The following MCM3AP variants were observed in gnomAD, a reference collection of about 807,000 sequenced individuals.
The protein encoded by MCM3AP is germinal-center associated nuclear protein.
Under a neutral mutation model 184.1 loss-of-function variants are expected in MCM3AP, and 126 were observed. The ratio of observed to expected loss-of-function variants is 0.68; its 90% CI spans 0.59 to 0.79. The LOEUF (loss-of-function observed/expected upper bound fraction) is 0.79. Ranked by LOEUF, MCM3AP falls within the 30% of genes least tolerant of loss-of-function variation. The pLI is 0.00. For missense variants in MCM3AP, 2,496 were observed against 2,479.2 expected (o/e 1.01, Z -0.14); for synonymous variants, 1,002 against 979.3 (o/e 1.02, Z -0.43).
chr21:46,270,993 T>C (rs2081171720), intron 8 of MCM3AP, among the ~76,000 whole-genome samples: 1 of 152,186 alleles, frequency 6.6e-6, no homozygotes, highest in Non-Finnish European at 1.5e-5. Context: ...AAAGTTACTT[T>C]AAAGTAATGC....
Position 46,265,398 on chromosome 21 carries a change from C to T in MCM3AP, c.3157G>A (p.Val1053Met). ...GACAGCTGGAAGAGGCTGGGCGCCA[C>T]AGACGGGGTCAGTGCCAGGACAGGA... ...LPPVLALTPS[V>M]APSLFQLSVQ... is the part of the protein sequence containing the mutation. The change falls in exon 12 of 28, where the codon GTG (valine) becomes ATG (methionine). Residue 1053 changes from valine (V) to methionine (M), a missense_variant. Around this residue, in one of 5 missense-constraint regions of MCM3AP, gnomAD observed 1,323 missense variants for 1,273.4 expected, o/e 1.04. Transcript: ENST00000291688. 6.2e-7 allele frequency: 1 copy of T among 1,614,066 alleles called. No individual in the cohort carries two copies.
Position 46,284,128 on chromosome 21 carries a change from G to A in MCM3AP, c.1159C>T (p.Pro387Ser). The change falls in exon 1 of 28, where the codon CCT (proline) becomes TCT (serine). Residue 387 changes from proline (P) to serine (S), a missense_variant. Physicochemically the swap from Pro to Ser is moderately conservative, Grantham distance 74. Transcript: ENST00000291688. ...IPGGNQSVLAPSRIPGVNKEE... is the reference protein window; with the variant it reads ...IPGGNQSVLASSRIPGVNKEE... ...TTATTCACACCTGGAATCCGGGAAG[G>A]TGCCAGGACAGACTGATTCCCTCCT... is the stretch of plus-strand genomic sequence containing the variant. 3.7e-6 allele frequency: 6 copies of A among 1,614,120 alleles called. No homozygotes were observed. Among genetic ancestry groups the A allele is most frequent in the South Asian group, 1.1e-5 (1 of 91,082 alleles).
Position 46,251,881 on chromosome 21 carries a change from C to CTT in MCM3AP, c.4137-201_4137-200dup, listed in dbSNP as rs754670172. The CTT allele has an allele frequency of 8.5e-3, 1,079 of 127,506 alleles. 9 individuals are homozygous for CTT. The highest frequency in any genetic ancestry group is 0.019 in the South Asian group (115 of 5,906). The allele number at this position is 127,506 out of a possible 1,614,324, so 7.9% of individuals were successfully genotyped here. A position where few individuals can be genotyped will look rare whatever the true frequency, so the allele number is the denominator to read the frequency against. ...AATGGAGCAACGATCTGTACTCGTTCTTTTTTTTTTTTTTTTTTTTTTGAG... is the reference window on the plus strand; with the variant it reads ...AATGGAGCAACGATCTGTACTCGTTCTTTTTTTTTTTTTTTTTTTTTTTTGAG... On this transcript the variant is annotated intron_variant, in intron 19 of 27. Transcript: ENST00000291688.
intron 19 of MCM3AP, 38 bp downstream of exon 19, chr21:46,254,354 A>C (rs761458106): frequency 6.2e-7 from 1 of 1,611,438 alleles, no homozygotes; most frequent in African/African-American, 1.3e-5. Flanking sequence ...TGCCCACTCC[A>C]CCTCTTGGAA....
At chr21:46,243,367 A>G in intron 24 of MCM3AP, 98 bp downstream of exon 24, 2 of 1,411,598 alleles carry the variant, frequency 1.4e-6, no homozygotes, top group Non-Finnish European at 1.9e-6. Context: ...AGAGACCCAA[A>G]AGAAAAGCAG....
In MCM3AP at chr21:46,251,692, TA is replaced by T. The variant is rs766274423; in HGVS notation, c.4137-11del. 1.3e-5 allele frequency: 20 copies of T among 1,530,038 alleles called. No homozygotes were observed. The highest frequency in any genetic ancestry group is 2.4e-5 in the South Asian group (2 of 82,880). The allele number at this position is 1,530,038 out of a possible 1,614,324, so 94.8% of individuals were successfully genotyped here. On this transcript the variant is annotated splice_polypyrimidine_tract_variant and intron_variant, in intron 19 of 27. Transcript: ENST00000291688. The stretch of plus-strand genomic sequence containing the variant: ...CCAATTTGCTAGAATTCTACAGATT[TA>T]AAAAAAACAAAAAACAAAAAAAACA...
intron 17 of MCM3AP, 75 bp downstream of exon 17, chr21:46,256,714 A>T: frequency 6.7e-7 from 1 of 1,488,020 alleles, no homozygotes; most frequent in Non-Finnish European, 9.0e-7. Flanking sequence ...CCAAACACAC[A>T]CATTAATTCC....
At chr21:46,271,824 G>T (rs906470208) in intron 8 of MCM3AP, among the ~76,000 whole-genome samples, 1 of 151,866 alleles carries the variant, frequency 6.6e-6, no homozygotes, top group Non-Finnish European at 1.5e-5. Context: ...TCGCACTACT[G>T]TACTCCGGCC....
chr21:46,283,470 C>A, intron 2 of MCM3AP, 145 bp downstream of exon 2: 1 of 610,642 alleles, frequency 1.6e-6, no homozygotes, highest in Middle Eastern at 2.8e-4. Context: ...ATAAATAGTG[C>A]TATCCCAGCC....
At chr21:46,236,723 C>T (rs1364970510) in intron 27 of MCM3AP, 106 bp downstream of exon 27, 11 of 746,576 alleles carry the variant, frequency 1.5e-5, no homozygotes, top group African/African-American at 7.4e-5. Flanking sequence ...AATAATTTGT[C>T]GGTCATCAAA....
intron 27 of MCM3AP, among the ~76,000 whole-genome samples, chr21:46,236,596 G>GTTCTTAAGAATATTTCAA (rs2080529627): frequency 6.6e-6 from 1 of 152,182 alleles, no homozygotes; most frequent in South Asian, 2.1e-4. Context: ...GTCTTATTCA[G>GTTCTTAAGAATATTTCAA]TTCTTAAGAA....
chr21:46,254,957 A>G, intron 17 of MCM3AP, 113 bp from the exon 18 acceptor site: 2 of 762,320 alleles, frequency 2.6e-6, no homozygotes, highest in South Asian at 1.4e-5. Context: ...TGCCAATGAA[A>G]CGGGTTAGAG....
At chr21:46,251,881 CTTTTT>C (rs754670172) in intron 19 of MCM3AP, 199 bp from the exon 20 acceptor site, 291 of 127,624 alleles carry the variant, frequency 2.3e-3, no homozygotes, top group Middle Eastern at 8.5e-3. Flanking sequence ...TGTACTCGTT[CTTTTT>C]TTTTTTTTTT....
intron 5 of MCM3AP, among the ~76,000 whole-genome samples, chr21:46,276,752 T>C (rs2081261210): frequency 6.6e-6 from 1 of 151,138 alleles, no homozygotes; most frequent in African/African-American, 2.4e-5. Context: ...TTTTTTTTTT[T>C]TTTGAGACAG....
In MCM3AP at chr21:46,276,238, G is replaced by A. The variant is rs1327575780; in HGVS notation, c.1859-913C>T. ...ACTCTGTCATGGTACTCCACCATGG[G>A]TAACAGAGCAAGACTCCATCTCGAG... On this transcript the variant is annotated intron_variant, in intron 5 of 27. Coordinates refer to ENST00000291688, the MANE Select transcript of MCM3AP (RefSeq NM_003906.5). Among the ~76,000 whole-genome samples the A allele has an allele frequency of 3.3e-5, 5 of 150,880 alleles. No individual in the cohort carries two copies. In the East Asian group the frequency reaches 9.7e-4, roughly 29 times the overall value.
At chr21:46,257,924 C>CA (rs5844261) in intron 16 of MCM3AP, among the ~76,000 whole-genome samples, 51,333 of 96,710 alleles carry the variant, frequency 0.53, 11,981 homozygotes, top group African/African-American at 0.57. Flanking sequence ...GACTCCATCT[C>CA]AAAAAAAAAA....
At chr21:46,265,751 A>C (rs2081103506) in intron 11 of MCM3AP, among the ~76,000 whole-genome samples, 174 bp downstream of exon 11, 1 of 152,186 alleles carries the variant, frequency 6.6e-6, no homozygotes, top group African/African-American at 2.4e-5. Context: ...GTCCACTCCC[A>C]GTGAGAACCA....
chr21:46,282,427 T>C (rs2081345197), intron 2 of MCM3AP, among the ~76,000 whole-genome samples: 2 of 152,196 alleles, frequency 1.3e-5, no homozygotes, highest in Admixed American at 1.3e-4. Flanking sequence ...TAATTTTGTC[T>C]ATGAGAATAC....
At position 46,258,954 on chromosome 21, in the gene MCM3AP, C is replaced by CA; in HGVS notation, c.3718dup (p.Cys1240LeufsTer50). On this transcript the variant is annotated frameshift_variant, in exon 16 of 28. Transcript: ENST00000291688. LOFTEE classifies it high-confidence loss of function. Reference sequence around the variant, plus strand: ...CAGGACTCACCGCTGTAGATACTTGCAGAAGCACTGAAGCTCCTGGAGGGT... The same window carrying CA: ...CAGGACTCACCGCTGTAGATACTTGCAAGAAGCACTGAAGCTCCTGGAGGGT... 1 of 1,614,106 alleles carries CA rather than the reference C, an allele frequency of 6.2e-7. No individual in the cohort carries two copies. The highest frequency in any genetic ancestry group is 8.5e-7 in the Non-Finnish European group (1 of 1,180,024).
Sources: gnomAD v4.1 joint callset for allele counts (sites outside exome capture counted in the v4.1 genomes callset) on GRCh38, gnomAD v4.1.1 for gene constraint, gnomAD v4.1.1 regional missense constraint, MANE v1.5 for transcripts, NCBI Gene and HGNC (gene_info 2026-07-23, HGNC 2026-07-21) for gene names.